Variants in ASRGL1 observed in about 807,000 individuals in gnomAD.
The protein encoded by ASRGL1 is asparaginase and isoaspartyl peptidase 1, also known as isoaspartyl peptidase/L-asparaginase.
ASRGL1 carries 16 observed loss-of-function variants against 22.4 expected under a neutral mutation model. That is an observed-to-expected ratio of 0.71 (90% CI 0.48 to 1.08). The LOEUF is 1.08. Among genes scored for constraint, ASRGL1 ranks in the 50% least tolerant of loss-of-function variants. The probability of loss-of-function intolerance (pLI) is 0.00; values close to 1 mark genes in which losing one functional copy is unlikely to be tolerated. For missense variants in ASRGL1, 412 were observed against 410.1 expected, an observed-to-expected ratio of 1.00 and a Z score of -0.04; for synonymous variants, 165 against 159.3, an observed-to-expected ratio of 1.04 and a Z score of -0.27.
chr11:62,345,269 G>C (rs554485771), intron 2 of ASRGL1, among the ~76,000 whole-genome samples: 1 of 152,068 alleles, frequency 6.6e-6, no homozygotes, highest in Admixed American at 6.6e-5. Context: ...TGTATTCTTA[G>C]ATTTTTGAGG....
chr11:62,341,926 G>GT (rs1275850743), intron 2 of ASRGL1, among the ~76,000 whole-genome samples: 2 of 152,070 alleles, frequency 1.3e-5, no homozygotes, highest in African/African-American at 4.8e-5. Flanking sequence ...TGAAATGTTT[G>GT]TTTTTTGGTG....
chr11:62,363,922 C>T (rs1487709795), intron 4 of ASRGL1, among the ~76,000 whole-genome samples: 2 of 151,816 alleles, frequency 1.3e-5, no homozygotes, highest in Non-Finnish European at 2.9e-5. Flanking sequence ...TTTGGGAGGC[C>T]GAGGTGGGTG....
At chr11:62,371,345 C>T (rs968166770) in intron 4 of ASRGL1, 4 of 1,072,318 alleles carry the variant, frequency 3.7e-6, no homozygotes, top group East Asian at 3.0e-5. Flanking sequence ...AAGCGCGCGG[C>T]GCAGCCTGTG....
At chr11:62,347,827 T>C (rs1946066441) in intron 2 of ASRGL1, among the ~76,000 whole-genome samples, 2 of 152,232 alleles carry the variant, frequency 1.3e-5, no homozygotes, top group South Asian at 4.2e-4. Flanking sequence ...CTTGGGAGGC[T>C]GAGACAGGAG....
downstream of ASRGL1, among the ~76,000 whole-genome samples, chr11:62,394,465 G>A (rs1435217856): frequency 6.6e-6 from 1 of 150,574 alleles, no homozygotes; most frequent in Non-Finnish European, 1.5e-5. Flanking sequence ...AGGTACTGGG[G>A]GTTAGGGCTT....
chr11:62,374,914 C>T (rs888959494), intron 4 of ASRGL1, among the ~76,000 whole-genome samples: 2 of 152,170 alleles, frequency 1.3e-5, no homozygotes, highest in Admixed American at 6.5e-5. Context: ...GGACAGGTCT[C>T]TCCTGGAACG....
At position 62,347,327 on chromosome 11, in the gene ASRGL1, G is replaced by A. The variant is rs905862203; in HGVS notation, c.191-8998G>A. Among the ~76,000 whole-genome samples, 4 of 151,876 alleles carry A rather than the reference G, an allele frequency of 2.6e-5. No individual in the cohort carries two copies. The East Asian group carries it at 5.8e-4, about 22-fold the overall frequency. On this transcript the variant is annotated intron_variant, in intron 2 of 6. Coordinates refer to ENST00000415229, the MANE Select transcript of ASRGL1 (RefSeq NM_001083926.2). ...TGGCATAGGCACAATTGATTAAATC[G>A]TTGGCCATTGGTTATCAACTAACCC... is the stretch of plus-strand genomic sequence containing the variant.
chr11:62,367,024 G>T (rs1398648619), intron 4 of ASRGL1, among the ~76,000 whole-genome samples: 2 of 151,912 alleles, frequency 1.3e-5, no homozygotes, highest in African/African-American at 2.4e-5. Flanking sequence ...GACCAACATG[G>T]TGAAACCCCG....
intron 4 of ASRGL1, among the ~76,000 whole-genome samples, chr11:62,380,283 A>G (rs1303027075): frequency 1.3e-5 from 2 of 152,076 alleles, no homozygotes; most frequent in African/African-American, 2.4e-5. Context: ...CAACTCCACT[A>G]TGACCTTACG....
intron 6 of ASRGL1, 136 bp from the exon 7 acceptor site, chr11:62,391,943 C>T (rs1947349868): frequency 9.6e-7 from 1 of 1,036,476 alleles, no homozygotes; most frequent in East Asian, 2.5e-5. Flanking sequence ...AGGTGAGGAC[C>T]CTCCTTTTAA....
In ASRGL1 at chr11:62,371,852, G is replaced by A; in HGVS notation, c.491+14708G>A. 7.5e-6 allele frequency: 4 copies of A among 530,472 alleles called. No individual in the cohort carries two copies. The South Asian group carries it at 8.2e-5, about 11-fold the overall frequency. 32.9% of individuals were successfully genotyped at this position (530,472 alleles called of 1,614,324 possible). On this transcript the variant is annotated intron_variant, in intron 4 of 6. Coordinates refer to ENST00000415229, the MANE Select transcript of ASRGL1 (RefSeq NM_001083926.2). ...TCCTGTAGTCCCAGCTAATCAGGAG[G>A]CTGAGGCAGGAGAATGGCGTGAACC...
chr11:62,395,322 C>T (rs907825245), downstream of ASRGL1, among the ~76,000 whole-genome samples: 1 of 152,010 alleles, frequency 6.6e-6, no homozygotes, highest in Non-Finnish European at 1.5e-5. Flanking sequence ...GCCAGGAAGA[C>T]AGATACATCG....
At chr11:62,391,732 G>T in intron 6 of ASRGL1, 100 bp downstream of exon 6, 1 of 1,409,990 alleles carries the variant, frequency 7.1e-7, no homozygotes, top group Non-Finnish European at 9.5e-7. Context: ...ACCCTTTCCT[G>T]TTGGCTACAG....
intron 2 of ASRGL1, among the ~76,000 whole-genome samples, chr11:62,342,332 G>A (rs1945885624): frequency 6.6e-6 from 1 of 152,144 alleles, no homozygotes; most frequent in Non-Finnish European, 1.5e-5. Context: ...GCTAAATTGT[G>A]GGAGCTAAGA....
intron 4 of ASRGL1, chr11:62,373,246 A>T (rs1946823346): frequency 1.3e-6 from 1 of 781,828 alleles, no homozygotes; most frequent in Admixed American, 2.1e-5. Flanking sequence ...TGGGACGGGA[A>T]GTCAAACAAG....
rs757423923 is a variant in ASRGL1 at position 62,338,135 on chromosome 11, T to C, written c.158T>C (p.Val53Ala). 3 of 1,593,102 alleles carry C rather than the reference T, an allele frequency of 1.9e-6. No individual in the cohort carries two copies. In the East Asian group the frequency reaches 6.7e-5, roughly 36 times the overall value. Residue 53 changes from valine to alanine, a missense_variant, in exon 2 of 7, where the codon GTC becomes GCC. Coordinates refer to ENST00000415229, the MANE Select transcript of ASRGL1 (RefSeq NM_001083926.2). ...SAVDAVEGAV[V>A]ALEDDPEFNA... ...GTGGATGCCGTAGAGGGAGCTGTCGTCGCCCTGGAAGACGATCCCGAGTTC... is the reference window on the plus strand; with the variant it reads ...GTGGATGCCGTAGAGGGAGCTGTCGCCGCCCTGGAAGACGATCCCGAGTTC...
intron 1 of ASRGL1, 129 bp from the exon 2 acceptor site, chr11:62,337,761 G>C (rs1003698316): frequency 1.2e-5 from 6 of 495,600 alleles, no homozygotes; most frequent in Admixed American, 1.2e-4. Context: ...TCCGGGCCGG[G>C]GGCGGAGAGG....
chr11:62,375,428 TTA>T lies in ASRGL1; in HGVS notation c.492-13653_492-13652del, dbSNP rs71053051. 5.3e-3 allele frequency among the ~76,000 whole-genome samples: 362 copies of T among 68,758 alleles called. 2 individuals are homozygous for T. Among genetic ancestry groups the T allele is most frequent in the Non-Finnish European group, 6.6e-3 (211 of 32,062 alleles). The allele number at this position is 68,758 out of a possible 152,430, so 45.1% of individuals were successfully genotyped here. A position where few individuals can be genotyped will look rare whatever the true frequency, so the allele number is the denominator to read the frequency against. On this transcript the variant is annotated intron_variant, in intron 4 of 6. Coordinates refer to ENST00000415229, the MANE Select transcript of ASRGL1 (RefSeq NM_001083926.2). The stretch of plus-strand genomic sequence containing the variant: ...GGTTTAGTGCTGTAATTGTCTTACT[TTA>T]TATATATATATATATATATATATAT...
At chr11:62,386,731 A>G (rs1947220564) in intron 4 of ASRGL1, among the ~76,000 whole-genome samples, 1 of 152,200 alleles carries the variant, frequency 6.6e-6, no homozygotes, top group East Asian at 1.9e-4. Context: ...GCATATCATC[A>G]GTTTCAGTAG....
Sources: gnomAD v4.1 joint callset for allele counts (sites outside exome capture counted in the v4.1 genomes callset) on GRCh38, gnomAD v4.1.1 for gene constraint, MANE v1.5 for transcripts, NCBI Gene and HGNC (gene_info 2026-07-23, HGNC 2026-07-21) for gene names.